The following SPAG16 variants were observed in gnomAD, a reference collection of about 807,000 sequenced individuals.
SPAG16 encodes sperm-associated antigen 16 protein.
A neutral mutation model predicts 80.4 loss-of-function variants in SPAG16; 86 were observed. That is an observed-to-expected ratio of 1.07 (90% CI 0.90 to 1.28). The LOEUF is 1.28. SPAG16 is among the 50% of genes most tolerant of loss of function. SPAG16 has a pLI of 0.00. For synonymous variants in SPAG16, 294 were observed against 265.9 expected (o/e 1.11, Z -1.03); for missense variants, 870 against 765.3 (o/e 1.14, Z -1.61).
chr2:214,340,057 G>T (rs935445925), intron 15 of SPAG16, among the ~76,000 whole-genome samples: 2 of 152,176 alleles, frequency 1.3e-5, no homozygotes, highest in African/African-American at 2.4e-5. Context: ...GTGGTAATTT[G>T]TTACACAGTA....
At chr2:213,356,712 T>G (rs2065677272) in intron 7 of SPAG16, among the ~76,000 whole-genome samples, 1 of 152,178 alleles carries the variant, frequency 6.6e-6, no homozygotes, top group African/African-American at 2.4e-5. Context: ...CTGGCTACTT[T>G]GATTTTTTGA....
intron 10 of SPAG16, among the ~76,000 whole-genome samples, chr2:213,495,954 T>G (rs1467060073): frequency 6.6e-6 from 1 of 152,144 alleles, no homozygotes; most frequent in South Asian, 2.1e-4. Flanking sequence ...AGCCTGTGAC[T>G]TAGGGCCTTA....
chr2:213,778,099 A>G (rs556740710), intron 10 of SPAG16, among the ~76,000 whole-genome samples: 14 of 152,214 alleles, frequency 9.2e-5, no homozygotes, highest in African/African-American at 3.1e-4. Flanking sequence ...ATATAGAATG[A>G]ACGTTATACT....
At chr2:214,035,192 T>C (rs527445021) in intron 13 of SPAG16, among the ~76,000 whole-genome samples, 40 of 152,148 alleles carry the variant, frequency 2.6e-4, no homozygotes, top group Non-Finnish European at 1.9e-4. Flanking sequence ...GTCTGGGGCT[T>C]TTATGGGCCT....
intron 12 of SPAG16, among the ~76,000 whole-genome samples, chr2:213,944,282 A>T (rs1487667776): frequency 6.6e-6 from 1 of 152,196 alleles, no homozygotes; most frequent in Non-Finnish European, 1.5e-5. Context: ...CAAAACTTAC[A>T]TCCCACTGGA....
At chr2:214,297,507 G>T (rs1489336180) in intron 15 of SPAG16, among the ~76,000 whole-genome samples, 1 of 152,012 alleles carries the variant, frequency 6.6e-6, no homozygotes, top group Non-Finnish European at 1.5e-5. Flanking sequence ...GTGGTGAGAG[G>T]TATGGGTCCA....
chr2:214,309,903 T>A (rs1360787387), intron 15 of SPAG16, among the ~76,000 whole-genome samples: 2 of 152,214 alleles, frequency 1.3e-5, no homozygotes, highest in Non-Finnish European at 2.9e-5. Context: ...GGTGTCCTGC[T>A]GGAGACTGTG....
chr2:213,965,513 C>T (rs1282467842), intron 12 of SPAG16, among the ~76,000 whole-genome samples: 1 of 152,176 alleles, frequency 6.6e-6, no homozygotes, highest in Non-Finnish European at 1.5e-5. Context: ...ACATCTCAGT[C>T]CCTTTGCAGA....
chr2:213,366,704 T>TG (rs967700324), intron 8 of SPAG16, among the ~76,000 whole-genome samples: 8 of 152,284 alleles, frequency 5.3e-5, no homozygotes, highest in African/African-American at 1.9e-4. Context: ...GAGATTTGGG[T>TG]GGGGACACAG....
At chr2:213,512,597 C>A (rs2075271255) in intron 10 of SPAG16, among the ~76,000 whole-genome samples, 1 of 152,036 alleles carries the variant, frequency 6.6e-6, no homozygotes, top group Non-Finnish European at 1.5e-5. Context: ...TGTCACTGGA[C>A]CTTTGTACAA....
intron 13 of SPAG16, among the ~76,000 whole-genome samples, chr2:214,106,657 G>A (rs1040680871): frequency 2.6e-5 from 4 of 151,940 alleles, no homozygotes; most frequent in African/African-American, 7.2e-5. Context: ...ACAGTGAGGG[G>A]CATCATGATG....
chr2:213,979,591 C>T (rs886479093), intron 12 of SPAG16, among the ~76,000 whole-genome samples: 4 of 152,038 alleles, frequency 2.6e-5, no homozygotes, highest in Admixed American at 2.6e-4. Context: ...ACCATCAGAT[C>T]TTGTGAAAAC....
intron 15 of SPAG16, among the ~76,000 whole-genome samples, chr2:214,304,867 T>C (rs1694806888): frequency 6.6e-6 from 1 of 152,188 alleles, no homozygotes; most frequent in African/African-American, 2.4e-5. Flanking sequence ...AACAGAATGA[T>C]TTCTGTTCCT....
At chr2:213,585,608 T>G (rs2060445094) in intron 10 of SPAG16, among the ~76,000 whole-genome samples, 1 of 152,184 alleles carries the variant, frequency 6.6e-6, no homozygotes, top group African/African-American at 2.4e-5. Context: ...GGCTTTGTTT[T>G]AAGACAACCA....
intron 15 of SPAG16, among the ~76,000 whole-genome samples, chr2:214,256,239 T>A (rs1690673743): frequency 6.6e-6 from 1 of 151,918 alleles, no homozygotes; most frequent in South Asian, 2.1e-4. Flanking sequence ...TGGCCATTCA[T>A]ACACCTTTTT....
At chr2:213,516,647 C>G (rs2075435556) in intron 10 of SPAG16, among the ~76,000 whole-genome samples, 1 of 152,002 alleles carries the variant, frequency 6.6e-6, no homozygotes, top group Admixed American at 6.6e-5. Context: ...TCAAAGAACT[C>G]AAAATCTAAC....
chr2:213,896,149 G>A (rs6714039), intron 11 of SPAG16, among the ~76,000 whole-genome samples: 89,559 of 151,722 alleles, frequency 0.59, 28,238 homozygotes, highest in South Asian at 0.84. Flanking sequence ...CTGAATAGAC[G>A]TTTATCAAAA....
At chr2:213,305,183 A>G (rs2062890983) in intron 3 of SPAG16, among the ~76,000 whole-genome samples, 1 of 152,186 alleles carries the variant, frequency 6.6e-6, no homozygotes, top group South Asian at 2.1e-4. Flanking sequence ...GTTAACTGTC[A>G]GCATATAGAA....
At chr2:214,345,088 T>C (rs543615567) in intron 15 of SPAG16, among the ~76,000 whole-genome samples, 1 of 152,232 alleles carries the variant, frequency 6.6e-6, no homozygotes, top group African/African-American at 2.4e-5. Flanking sequence ...AACAGAAGAA[T>C]GAAATAGGTC....
Sources: allele counts gnomAD v4.1 joint callset (sites outside exome capture counted in the v4.1 genomes callset), GRCh38; gene constraint gnomAD v4.1.1; transcripts MANE v1.5; gene names NCBI Gene and HGNC (gene_info 2026-07-23, HGNC 2026-07-21).